PWWP2A: variants seen among roughly 807,000 people sequenced by gnomAD.
The protein encoded by PWWP2A is PWWP domain-containing protein 2A.
PWWP2A carries 18 observed loss-of-function variants against 48.5 expected under a neutral mutation model. The observed-to-expected ratio is 0.37, with a 90% CI of 0.26 to 0.55. The LOEUF is 0.55. PWWP2A is among the 20% of genes least tolerant of loss of function. PWWP2A has a pLI of 0.81. For synonymous variants in PWWP2A, 396 were observed against 387.7 expected (o/e 1.02, Z -0.25); for missense variants, 867 against 976.4 (o/e 0.89, Z 1.49).
At chr5:160,109,198 G>C (rs1430504191) in intron 1 of PWWP2A, among the ~76,000 whole-genome samples, 1 of 152,010 alleles carries the variant, frequency 6.6e-6, no homozygotes, top group Non-Finnish European at 1.5e-5. Flanking sequence ...TGGCCAGGCT[G>C]GTCCCAAACT....
intron 1 of PWWP2A, among the ~76,000 whole-genome samples, chr5:160,106,302 TTAAG>T (rs1756889133): frequency 6.6e-6 from 1 of 152,200 alleles, no homozygotes. Flanking sequence ...GCAATTTTGC[TTAAG>T]TAACCTCTGA....
chr5:160,112,851 T>C (rs1757729547), intron 1 of PWWP2A, among the ~76,000 whole-genome samples: 1 of 152,096 alleles, frequency 6.6e-6, no homozygotes, highest in Non-Finnish European at 1.5e-5. Context: ...GAGAGGCTAG[T>C]ACCAATATTA....
At chr5:160,051,065 T>G in the PWWP2A span, 38 of 1,352,960 alleles carry the variant, frequency 2.8e-5, no homozygotes, top group African/African-American at 5.8e-4. Context: ...AAATTCAAAA[T>G]AAAGGGAAAG....
intron 1 of PWWP2A, among the ~76,000 whole-genome samples, chr5:160,103,489 T>C (rs1442353119): frequency 1.3e-5 from 2 of 152,144 alleles, no homozygotes; most frequent in African/African-American, 2.4e-5. Context: ...AGGACACAGC[T>C]TCAGTAGGTG....
intron 1 of PWWP2A, among the ~76,000 whole-genome samples, chr5:160,094,921 G>A (rs919411358): frequency 1.3e-5 from 2 of 151,240 alleles, no homozygotes; most frequent in Non-Finnish European, 2.9e-5. Flanking sequence ...GGTGGCAGGC[G>A]CCAGTAGTCC....
the PWWP2A span, among the ~76,000 whole-genome samples, chr5:160,046,152 C>T: frequency 1.3e-5 from 2 of 152,206 alleles, no homozygotes; most frequent in South Asian, 4.1e-4. Context: ...TTGGCTGTCT[C>T]TACTTTGTCT....
downstream of PWWP2A, chr5:160,090,771 G>C (rs945214895): frequency 1.0e-6 from 1 of 962,844 alleles, no homozygotes; most frequent in Non-Finnish European, 1.2e-6. Flanking sequence ...ATTTCTAAAA[G>C]TATTGAAATT....
intron 2 of PWWP2A, among the ~76,000 whole-genome samples, chr5:160,070,170 A>G (rs1009509874): frequency 6.6e-6 from 1 of 151,954 alleles, no homozygotes; most frequent in Non-Finnish European, 1.5e-5. Flanking sequence ...AATCTCAACC[A>G]TTTTTCTAAG....
At chr5:160,097,561 T>C (rs1425359322) in intron 1 of PWWP2A, among the ~76,000 whole-genome samples, 2 of 149,944 alleles carry the variant, frequency 1.3e-5, no homozygotes, top group African/African-American at 4.9e-5. Flanking sequence ...ACCCGGGAGG[T>C]GAAAGTCGCA....
chr5:160,096,278 G>T (rs1052973197), intron 1 of PWWP2A, among the ~76,000 whole-genome samples: 2 of 151,820 alleles, frequency 1.3e-5, no homozygotes, highest in Non-Finnish European at 2.9e-5. Flanking sequence ...AAAAAGGAAA[G>T]GTACCTCCTA....
chr5:160,117,865 G>A (rs1352364643), intron 1 of PWWP2A: 4 of 984,422 alleles, frequency 4.1e-6, no homozygotes, highest in Non-Finnish European at 4.8e-6. Flanking sequence ...TACGATCAGA[G>A]CGTGTGCTGT....
At chr5:160,112,018 T>C (rs1396462911) in intron 1 of PWWP2A, among the ~76,000 whole-genome samples, 1 of 150,320 alleles carries the variant, frequency 6.7e-6, no homozygotes, top group Non-Finnish European at 1.5e-5. Flanking sequence ...CTGCAGCTAT[T>C]TGGGAGGCTG....
chr5:160,078,284 T>A lies in PWWP2A; in HGVS notation c.1670-116A>T. ...AGATTGTGGGATCACACCTGATTTT[T>A]TCTTTTAAATCGGTTAAACCTGACC... is the stretch of plus-strand genomic sequence containing the variant. On this transcript the variant is annotated intron_variant, in intron 3 of 3. Coordinates refer to the PWWP2A transcript ENST00000456329. This position sits in a 1 kb window ranked among gnomAD's most constrained non-coding sequence, Gnocchi z 4.2. 1 of 842,496 alleles carries A rather than the reference T, an allele frequency of 1.2e-6. No homozygotes were observed. Among genetic ancestry groups the A allele is most frequent in the Non-Finnish European group, 1.9e-6 (1 of 516,744 alleles). 52.2% of individuals were successfully genotyped at this position (842,496 alleles called of 1,614,324 possible). A position where few individuals can be genotyped will look rare whatever the true frequency, so the allele number is the denominator to read the frequency against.
At chr5:160,046,083 T>G in the PWWP2A span, among the ~76,000 whole-genome samples, 1 of 152,310 alleles carries the variant, frequency 6.6e-6, no homozygotes, top group South Asian at 2.1e-4. Context: ...TGACCCAATA[T>G]TCTCCTTCAA....
downstream of PWWP2A, chr5:160,090,783 GAT>G (rs1754998343): frequency 1.0e-6 from 1 of 968,502 alleles, no homozygotes; most frequent in African/African-American, 1.8e-5. Flanking sequence ...ATTGAAATTA[GAT>G]ATCCAAAAGT....
rs776211583 is a variant in PWWP2A at position 160,093,249 on chromosome 5, T to C, written c.1401A>G (p.Ser467=). The C allele has an allele frequency of 1.2e-6, 2 of 1,613,846 alleles. No individual in the cohort carries two copies. The highest frequency in any genetic ancestry group is 1.7e-6 in the Non-Finnish European group (2 of 1,179,730). ...AACGAACCCGGGGTGGAAGGGAACC[T>C]GAGCTAGGATTCTGATATCGACGTG... ...HFTRRYQNPS[S]GSLPPRVRLK... is the part of the protein sequence containing the mutation. The change falls in exon 2 of 2, where the codon TCA becomes TCG. Residue 467 remains serine, a synonymous_variant. Coordinates refer to ENST00000307063, the MANE Select transcript of PWWP2A (RefSeq NM_001130864.2). The surrounding 1 kb of genome is among the most constrained non-coding windows in gnomAD (Gnocchi z 5.8).
At chr5:160,090,639 A>G, downstream of PWWP2A, 1 of 985,154 alleles carries the variant, frequency 1.0e-6, no homozygotes, top group Non-Finnish European at 1.2e-6. Context: ...CAATCAGTCA[A>G]TAACCTTAAG....
At chr5:160,115,883 G>C (rs1456685004) in intron 1 of PWWP2A, among the ~76,000 whole-genome samples, 1 of 151,612 alleles carries the variant, frequency 6.6e-6, no homozygotes, top group African/African-American at 2.4e-5. Flanking sequence ...GGATCCATCA[G>C]TAAACCCCAA....
At chr5:160,114,755 T>A (rs1490570253) in intron 1 of PWWP2A, among the ~76,000 whole-genome samples, 2 of 126,246 alleles carry the variant, frequency 1.6e-5, no homozygotes, top group African/African-American at 6.1e-5. Context: ...AGAGCGAGAC[T>A]CTGTCTCAAG....
Sources: gnomAD v4.1 joint callset for allele counts (sites outside exome capture counted in the v4.1 genomes callset) on GRCh38, gnomAD v4.1.1 for gene constraint, Gnocchi (gnomAD v3.1) non-coding constraint, MANE v1.5 for transcripts, NCBI Gene and HGNC (gene_info 2026-07-23, HGNC 2026-07-21) for gene names.